ESRRG: variants seen among roughly 807,000 people sequenced by gnomAD.
ESRRG encodes the protein estrogen-related receptor gamma.
ESRRG carries 13 observed loss-of-function variants against 44.0 expected under a neutral mutation model. The ratio of observed to expected loss-of-function variants is 0.30; its 90% CI spans 0.19 to 0.47. The LOEUF (loss-of-function observed/expected upper bound fraction) is 0.47, where lower values mean the gene tolerates loss of function less well. Ranked by LOEUF, ESRRG falls within the 20% of genes least tolerant of loss-of-function variation. The pLI is 1.00. For missense variants in ESRRG, 395 were observed against 580.6 expected (o/e 0.68, Z 3.29); for synonymous variants, 215 against 214.6 (o/e 1.00, Z -0.02).
intron 2 of ESRRG, among the ~76,000 whole-genome samples, chr1:216,830,804 C>G (rs1271577129): frequency 1.3e-5 from 2 of 151,654 alleles, no homozygotes; most frequent in African/African-American, 2.4e-5. Flanking sequence ...GCATTATCAT[C>G]GGAGATACAG....
chr1:216,858,273 T>TG (rs2095986909), intron 2 of ESRRG, among the ~76,000 whole-genome samples: 2 of 141,232 alleles, frequency 1.4e-5, no homozygotes. Flanking sequence ...CTGTCTCTAC[T>TG]AAAAAAAAAA....
chr1:216,806,300 G>A (rs2094790089), intron 2 of ESRRG, among the ~76,000 whole-genome samples: 1 of 152,146 alleles, frequency 6.6e-6, no homozygotes, highest in South Asian at 2.1e-4. Context: ...AAACAAAACA[G>A]GCTGGCTTTT....
intron 3 of ESRRG, among the ~76,000 whole-genome samples, chr1:216,615,085 G>A (rs899205971): frequency 8.5e-5 from 13 of 152,188 alleles, no homozygotes; most frequent in African/African-American, 2.9e-4. Context: ...TAGAATGGCA[G>A]GGAGAGTTGA....
chr1:216,879,818 A>G (rs1383724449), intron 2 of ESRRG, among the ~76,000 whole-genome samples: 1 of 152,158 alleles, frequency 6.6e-6, no homozygotes, highest in Non-Finnish European at 1.5e-5. Flanking sequence ...CAAATATGGT[A>G]TACATATGTG....
chr1:216,755,273 A>C (rs915095326), intron 2 of ESRRG, among the ~76,000 whole-genome samples: 1 of 152,004 alleles, frequency 6.6e-6, no homozygotes, highest in African/African-American at 2.4e-5. Context: ...CCAGAGTGGT[A>C]GCAAATTACA....
chr1:216,646,088 T>C (rs566163540), intron 3 of ESRRG, among the ~76,000 whole-genome samples: 3 of 152,166 alleles, frequency 2.0e-5, no homozygotes, highest in African/African-American at 7.2e-5. Flanking sequence ...GCTAAACCAG[T>C]AATTTTAAAG....
At chr1:216,727,643 T>A (rs2087816142), upstream of ESRRG, among the ~76,000 whole-genome samples, 1 of 152,180 alleles carries the variant, frequency 6.6e-6, no homozygotes, top group African/African-American at 2.4e-5. Context: ...CTGTTGCCTT[T>A]CATTTCTAGG....
At chr1:216,873,029 G>T (rs2096280037) in intron 2 of ESRRG, among the ~76,000 whole-genome samples, 2 of 152,036 alleles carry the variant, frequency 1.3e-5, no homozygotes, top group Admixed American at 1.3e-4. Context: ...TCAAAACTAG[G>T]TCAGTTTTCA....
At chr1:216,577,386 T>G (rs1233257472) in intron 3 of ESRRG, among the ~76,000 whole-genome samples, 1 of 152,104 alleles carries the variant, frequency 6.6e-6, no homozygotes, top group Non-Finnish European at 1.5e-5. Context: ...ATTCTCTTTA[T>G]CCTTTTCAAA....
intron 5 of ESRRG, among the ~76,000 whole-genome samples, chr1:216,556,646 T>A (rs1199187507): frequency 6.6e-6 from 1 of 152,146 alleles, no homozygotes; most frequent in African/African-American, 2.4e-5. Context: ...CATGATGGGG[T>A]CCTTGCAGAT....
rs139129288 is a variant in ESRRG at position 217,048,239 on chromosome 1, C to T, written c.-106+41268G>A. Reference sequence around the variant, plus strand: ...GTGGAGGGACAAGGGCAGTCGCTGACGGTACTGGTTAGAGAGGCCACAGAG... The same window carrying T: ...GTGGAGGGACAAGGGCAGTCGCTGATGGTACTGGTTAGAGAGGCCACAGAG... On this transcript the variant is annotated intron_variant, in intron 1 of 7. Transcript: ENST00000359162. 1.9e-3 allele frequency among the ~76,000 whole-genome samples: 286 copies of T among 152,102 alleles called. 1 individual carries two copies. Among genetic ancestry groups the T allele is most frequent in the African/African-American group, 6.3e-3 (262 of 41,486 alleles).
In ESRRG at chr1:216,723,261, G is replaced by T. The variant is rs759885159; in HGVS notation, c.39C>A (p.Ser13=). ...GTACCTACTCTTCCTCGTAGTGCAG[G>T]GAAAAAGATTCAGGAAGGCAAAGTT... ...SVELCLPESF[S]LHYEEELLCR... The change falls in exon 1 of 7, where the codon TCC becomes TCA. Residue 13 remains serine (S), a synonymous_variant. Transcript: ENST00000408911. 6 of 1,613,972 alleles carry T rather than the reference G, an allele frequency of 3.7e-6. No individual in the cohort carries two copies. Among genetic ancestry groups the T allele is most frequent in the Non-Finnish European group, 5.1e-6 (6 of 1,179,980 alleles).
At chr1:216,556,995 TCTG>T (rs2057722711) in intron 5 of ESRRG, among the ~76,000 whole-genome samples, 1 of 152,172 alleles carries the variant, frequency 6.6e-6, no homozygotes, top group Non-Finnish European at 1.5e-5. Flanking sequence ...ACTACTCACT[TCTG>T]CTCCAATTTA....
intron 1 of ESRRG, chr1:217,076,729 C>A (rs137906230): frequency 6.6e-6 from 1 of 152,238 alleles, no homozygotes; most frequent in East Asian, 1.9e-4. Context: ...AGCTAAGGAA[C>A]GAAATGACCT....
chr1:217,075,678 A>G (rs1347191455), intron 1 of ESRRG, among the ~76,000 whole-genome samples: 1 of 150,524 alleles, frequency 6.6e-6, no homozygotes, highest in Non-Finnish European at 1.5e-5. Context: ...ACACCATGAG[A>G]TCACAGTATT....
At chr1:217,041,946 G>A (rs1177601167) in intron 1 of ESRRG, among the ~76,000 whole-genome samples, 1 of 152,122 alleles carries the variant, frequency 6.6e-6, no homozygotes, top group African/African-American at 2.4e-5. Context: ...CACCCAGTAG[G>A]TTCACATCAT....
At chr1:216,713,613 G>C (rs2084127755) in intron 1 of ESRRG, among the ~76,000 whole-genome samples, 1 of 152,188 alleles carries the variant, frequency 6.6e-6, no homozygotes, top group South Asian at 2.1e-4. Context: ...TTTCTCCAGA[G>C]AATGTACAGC....
At chr1:216,917,028 T>C (rs887863644) in intron 2 of ESRRG, among the ~76,000 whole-genome samples, 1 of 151,750 alleles carries the variant, frequency 6.6e-6, no homozygotes, top group Non-Finnish European at 1.5e-5. Context: ...TTCAGCTGGC[T>C]AGTTGGCTGG....
At chr1:217,060,787 A>AATAG (rs2088212505) in intron 1 of ESRRG, among the ~76,000 whole-genome samples, 5 of 58,088 alleles carry the variant, frequency 8.6e-5, no homozygotes, top group African/African-American at 2.7e-4. Context: ...GATATTGAAC[A>AATAG]CTAGATAGAT....
Sources: allele counts gnomAD v4.1 joint callset (sites outside exome capture counted in the v4.1 genomes callset), GRCh38; gene constraint gnomAD v4.1.1; transcripts MANE v1.5; gene names NCBI Gene and HGNC (gene_info 2026-07-23, HGNC 2026-07-21).